Variants in TUBGCP6 observed in about 807,000 individuals in gnomAD.
The protein encoded by TUBGCP6 is gamma-tubulin complex component 6.
A neutral mutation model predicts 175.8 loss-of-function variants in TUBGCP6; 161 were observed. The observed-to-expected ratio is 0.92, with a 90% confidence interval of 0.81 to 1.04. The LOEUF is 1.04. Among genes scored for constraint, TUBGCP6 ranks in the 50% least tolerant of loss-of-function variants. The pLI, the probability that TUBGCP6 is intolerant of heterozygous loss-of-function variation, is 0.00. For synonymous variants in TUBGCP6, 1,173 were observed against 1,030.5 expected (o/e 1.14, Z -2.65); for missense variants, 2,572 against 2,433.0 (o/e 1.06, Z -1.20).
Position 50,225,841 on chromosome 22 carries a change from G to A in TUBGCP6, c.1936C>T (p.Arg646Cys), listed in dbSNP as rs377155356. ...IEKDCAVYVG[R>C]MERVARHSSV... ...CTGTGGCGGGCCACCCTCTCCATGCGCCCAACGTAGACGGCACAGTCCTTC... is the reference window on the plus strand; with the variant it reads ...CTGTGGCGGGCCACCCTCTCCATGCACCCAACGTAGACGGCACAGTCCTTC... The change falls in exon 10 of 25, where the codon CGC becomes TGC. Residue 646 changes from arginine to cysteine, a missense_variant. Arg to Cys is a radical substitution (Grantham distance 180). Transcript: ENST00000248846. 5.3e-5 allele frequency: 86 copies of A among 1,613,446 alleles called. No homozygotes were observed. Among genetic ancestry groups the A allele is most frequent in the Non-Finnish European group, 6.9e-5 (81 of 1,179,906 alleles).
chr22:50,222,148 A>G (rs1448075106), intron 14 of TUBGCP6, 46 bp from the exon 15 acceptor site: 1 of 1,588,880 alleles, frequency 6.3e-7, no homozygotes, highest in Middle Eastern at 1.7e-4. Context: ...GGAGTCAAGC[A>G]CAGCCCTACC....
Position 50,221,136 on chromosome 22 carries a change from G to A in TUBGCP6, c.3223C>T (p.Pro1075Ser). The A allele has an allele frequency of 1.2e-6, 2 of 1,607,726 alleles. No homozygotes were observed. Among genetic ancestry groups the A allele is most frequent in the Non-Finnish European group, 1.7e-6 (2 of 1,174,898 alleles). The change falls in exon 16 of 25, where the codon CCA becomes TCA. Residue 1075 changes from proline (P) to serine (S), a missense_variant. Physicochemically the swap from Pro to Ser is moderately conservative, Grantham distance 74. Coordinates refer to ENST00000248846, the MANE Select transcript of TUBGCP6 (RefSeq NM_020461.4). ...ACGTGTCCGTGGGTGTTCCACCGTG[G>A]CTGGGTGGGAGCCACATCTGACACA... ...ENVSDVAPTQ[P>S]RWNTHGHVSN...
In TUBGCP6 at chr22:50,244,342, C is replaced by T. The variant is rs114060695; in HGVS notation, c.118G>A (p.Val40Met). ...RKRAKRSLKK[V>M]AYNALFTNLF... is the part of the protein sequence containing the mutation. ...TTTGTGAAAAGAGCATTGTAGGCCA[C>T]CTTCTTGAGGCTCCGCTTTGCCCTC... Residue 40 changes from valine to methionine, a missense_variant, in exon 1 of 25, where the codon GTG becomes ATG. Coordinates refer to ENST00000248846, the MANE Select transcript of TUBGCP6 (RefSeq NM_020461.4). 1.9e-6 allele frequency: 3 copies of T among 1,613,548 alleles called. No homozygotes were observed. The highest frequency in any genetic ancestry group is 2.7e-5 in the African/African-American group (2 of 75,070).
chr22:50,218,844 A>G lies in TUBGCP6; in HGVS notation c.4680T>C (p.Ser1560=). The change falls in exon 21 of 25, where the codon TCT becomes TCC. Residue 1560 remains serine, a synonymous_variant. Coordinates refer to ENST00000248846, the MANE Select transcript of TUBGCP6 (RefSeq NM_020461.4). Reference sequence around the variant, plus strand: ...TGCACTGCAGGGCCTTGCTCAGCACAGAGTTCAGCACCAGCGGGTTGAGCA... The same window carrying G: ...TGCACTGCAGGGCCTTGCTCAGCACGGAGTTCAGCACCAGCGGGTTGAGCA... ...GELLNPLVLN[S]VLSKALQCSL... The G allele has an allele frequency of 6.2e-7, 1 of 1,614,048 alleles. No homozygotes were observed. Among genetic ancestry groups the G allele is most frequent in the Non-Finnish European group, 8.5e-7 (1 of 1,180,008 alleles).
chr22:50,224,401 C>G lies in TUBGCP6; in HGVS notation c.2085G>C (p.Arg695=). 2 of 1,614,194 alleles carry G rather than the reference C, an allele frequency of 1.2e-6. No individual in the cohort carries two copies. Among genetic ancestry groups the G allele is most frequent in the Non-Finnish European group, 1.7e-6 (2 of 1,180,040 alleles). ...CACGCTTCCGGGCATCCAAGGCCAT[C>G]CGTTCTGACATCTGCCGGTCTACAT... ...SALSDRQMSE[R]MALDARKREQ... Residue 695 remains arginine, a synonymous_variant, in exon 12 of 25, where the codon CGG becomes CGC. Transcript: ENST00000248846.
chr22:50,236,339 G>C (rs2064778601), intron 2 of TUBGCP6, among the ~76,000 whole-genome samples: 1 of 152,114 alleles, frequency 6.6e-6, no homozygotes, highest in Non-Finnish European at 1.5e-5. Flanking sequence ...GTTTCACCGT[G>C]TTAGCCAGGA....
chr22:50,219,852 G>A, intron 17 of TUBGCP6, 61 bp from the exon 18 acceptor site: 1 of 1,603,394 alleles, frequency 6.2e-7, no homozygotes, highest in Non-Finnish European at 8.5e-7. Flanking sequence ...CAACCAGCTT[G>A]TGCCAAAAAA....
Position 50,220,566 on chromosome 22 carries a change from G to A in TUBGCP6, c.3793C>T (p.Arg1265Trp), listed in dbSNP as rs373248358. 75 of 1,613,584 alleles carry A rather than the reference G, an allele frequency of 4.6e-5. 1 individual carries two copies. In the Admixed American group the frequency reaches 6.7e-4, roughly 14 times the overall value. Residue 1265 changes from arginine (R) to tryptophan (W), a missense_variant, in exon 16 of 25, where the codon CGG (arginine) becomes TGG (tryptophan). Transcript: ENST00000248846. ...GGGATGGGTACATGGGTGTTCCACC[G>A]TGGCCGGGTGGAAACCACATCCGAC... ...PVSDVVSTRP[R>W]WNTHVPIPPP...
In TUBGCP6 at chr22:50,224,218, G is replaced by C; in HGVS notation, c.2193C>G (p.Asp731Glu). The change falls in exon 13 of 25, where the codon GAC becomes GAG. Residue 731 changes from aspartate (D) to glutamate (E), a missense_variant. Transcript: ENST00000248846. ...CTCGGAGTTCACGGGCGTAGCTGAA[G>C]TCATCATCCAGCTCCTCCTGCCTGG... The part of the protein sequence containing the change: ...QAARQEELDD[D>E]FSYARELRDR... 1 of 1,614,168 alleles carries C rather than the reference G, an allele frequency of 6.2e-7. No individual in the cohort carries two copies. The highest frequency in any genetic ancestry group is 8.5e-7 in the Non-Finnish European group (1 of 1,180,032).
rs759120643 is a variant in TUBGCP6 at position 50,233,535 on chromosome 22, G to A, written c.906-9C>T. On this transcript the variant is annotated splice_polypyrimidine_tract_variant and intron_variant, in intron 2 of 24. Transcript: ENST00000248846. The stretch of plus-strand genomic sequence containing the variant: ...CTCTGTGGCCAGGGGGGCTGCGAGG[G>A]GTGCAGAAGAGAGGCCATGAGCAGA... The A allele has an allele frequency of 6.3e-7, 1 of 1,594,608 alleles. No individual in the cohort carries two copies. Among genetic ancestry groups the A allele is most frequent in the East Asian group, 2.3e-5 (1 of 44,096 alleles).
At chr22:50,226,507 G>A in intron 7 of TUBGCP6, 129 bp from the exon 8 acceptor site, 4 of 839,732 alleles carry the variant, frequency 4.8e-6, no homozygotes, top group South Asian at 1.6e-5. Flanking sequence ...TGTGAGAGGT[G>A]GAGTGGGGTG....
rs755835849 is a variant in TUBGCP6 at position 50,217,925 on chromosome 22, G to A, written c.5361C>T (p.Leu1787=). The change falls in exon 24 of 25, where the codon CTC becomes CTT. Residue 1787 remains leucine, a synonymous_variant. Coordinates refer to ENST00000248846, the MANE Select transcript of TUBGCP6 (RefSeq NM_020461.4). ...AGCCAGGGTGGGCCTCACCTTTGAA[G>A]AGAAAGTGGGAGTAGTACTTGAAGG... ...YNTFKYYSHF[L]FKVVTKLVNR... is the part of the protein sequence containing the mutation. 3 of 1,606,382 alleles carry A rather than the reference G, an allele frequency of 1.9e-6. No homozygotes were observed. The highest frequency in any genetic ancestry group is 1.7e-4 in the Middle Eastern group (1 of 6,026).
chr22:50,230,061 G>A (rs371954402), intron 3 of TUBGCP6, among the ~76,000 whole-genome samples: 3 of 152,228 alleles, frequency 2.0e-5, no homozygotes, highest in South Asian at 2.1e-4. Flanking sequence ...GAAGCCAGAA[G>A]GGAGGTTACA....
Position 50,219,709 on chromosome 22 carries a change from G to C in TUBGCP6, c.4250C>G (p.Ala1417Gly), listed in dbSNP as rs2064483531. 1 of 1,613,692 alleles carries C rather than the reference G, an allele frequency of 6.2e-7. No homozygotes were observed. Among genetic ancestry groups the C allele is most frequent in the Non-Finnish European group, 8.5e-7 (1 of 1,179,918 alleles). Residue 1417 changes from alanine to glycine, a missense_variant, in exon 18 of 25, where the codon GCC (alanine) becomes GGC (glycine). By Grantham distance (60) the Ala-to-Gly change is moderately conservative. Coordinates refer to ENST00000248846, the MANE Select transcript of TUBGCP6 (RefSeq NM_020461.4). Reference protein sequence around the residue: ...SAAEAQGGEQAYLAGLAGQYH... With the variant: ...SAAEAQGGEQGYLAGLAGQYH... The stretch of plus-strand genomic sequence containing the variant: ...CTGCCCTGCCAGGCCTGCCAGGTAG[G>C]CCTGCTCCCCACCCTGAGCCTCCGC...
chr22:50,232,404 A>G (rs2064705401), intron 3 of TUBGCP6, among the ~76,000 whole-genome samples: 1 of 149,366 alleles, frequency 6.7e-6, no homozygotes, highest in Admixed American at 6.6e-5. Flanking sequence ...AAGAAAAGAA[A>G]AAAATGAGCT....
chr22:50,221,992 AC>A lies in TUBGCP6; in HGVS notation c.2484+35del, dbSNP rs760021525. The A allele has an allele frequency of 1.9e-6, 3 of 1,611,846 alleles. No individual in the cohort carries two copies. The African/African-American group carries it at 4.0e-5, about 22-fold the overall frequency. The stretch of plus-strand genomic sequence containing the variant: ...ACCAGGTGCCGAGGGCTATGGGAAA[AC>A]CATAGGGCACCCTGGGTTCCACTCT... On this transcript the variant is annotated intron_variant, in intron 15 of 24. Transcript: ENST00000248846.
At chr22:50,224,930 A>G (rs1007995321) in intron 10 of TUBGCP6, among the ~76,000 whole-genome samples, 4 of 152,048 alleles carry the variant, frequency 2.6e-5, no homozygotes, top group African/African-American at 9.7e-5. Context: ...CAAAGAAAAA[A>G]AAAGCAACCT....
chr22:50,222,461 T>C lies in TUBGCP6; in HGVS notation c.2402A>G (p.His801Arg), dbSNP rs758994585. Reference sequence around the variant, plus strand: ...CTGAAGCCGCAGACATACCTGAATGTGTTTCTCATCTTCTAAGAGAAAACG... The same window carrying C: ...CTGAAGCCGCAGACATACCTGAATGCGTTTCTCATCTTCTAAGAGAAAACG... ...RLRFLLEDEK[H>R]IQEMLKAVSE... is the part of the protein sequence containing the mutation. The change falls in exon 14 of 25, where the codon CAC (histidine) becomes CGC (arginine). Residue 801 changes from histidine (H) to arginine (R), a missense_variant. His to Arg is a conservative substitution (Grantham distance 29). Coordinates refer to ENST00000248846, the MANE Select transcript of TUBGCP6 (RefSeq NM_020461.4). The C allele has an allele frequency of 6.2e-7, 1 of 1,613,792 alleles. No individual in the cohort carries two copies. Among genetic ancestry groups the C allele is most frequent in the Non-Finnish European group, 8.5e-7 (1 of 1,180,006 alleles).
Position 50,219,439 on chromosome 22 carries a change from G to A in TUBGCP6, c.4333C>T (p.His1445Tyr), listed in dbSNP as rs1258201672. The A allele has an allele frequency of 3.2e-6, 5 of 1,574,144 alleles. No individual in the cohort carries two copies. The highest frequency in any genetic ancestry group is 1.4e-5 in the African/African-American group (1 of 74,034). The part of the protein sequence containing the change: ...YESMSEPPIA[H>Y]LLRPVLPRAF... Reference sequence around the variant, plus strand: ...CGGGGAAGCACGGGGCGCAAAAGATGAGCAATGGGCGGCTCGGCTGCGGGA... The same window carrying A: ...CGGGGAAGCACGGGGCGCAAAAGATAAGCAATGGGCGGCTCGGCTGCGGGA... Residue 1445 changes from histidine (H) to tyrosine (Y), a missense_variant, in exon 19 of 25, where the codon CAT (histidine) becomes TAT (tyrosine). Transcript: ENST00000248846.
Sources: allele counts gnomAD v4.1 joint callset (sites outside exome capture counted in the v4.1 genomes callset), GRCh38; gene constraint gnomAD v4.1.1; transcripts MANE v1.5; gene names NCBI Gene and HGNC (gene_info 2026-07-23, HGNC 2026-07-21).